The following OXR1 variants were observed in gnomAD, a reference collection of about 807,000 sequenced individuals.
The protein encoded by OXR1 is oxidation resistance 1, also known as oxidation resistance protein 1.
A neutral mutation model predicts 104.6 loss-of-function variants in OXR1; 41 were observed. That is an observed-to-expected ratio of 0.39 (90% CI 0.31 to 0.51). OXR1 has a LOEUF of 0.51. OXR1 is among the 20% of genes least tolerant of loss of function. The probability of loss-of-function intolerance (pLI) is 0.77; values close to 1 mark genes in which losing one functional copy is unlikely to be tolerated. For missense variants in OXR1, 955 were observed against 1,031.9 expected, an observed-to-expected ratio of 0.93 and a Z score of 1.02; for synonymous variants, 348 against 348.4, an observed-to-expected ratio of 1.00 and a Z score of 0.01.
At chr8:106,439,616 T>C (rs1187845837) in intron 2 of OXR1, among the ~76,000 whole-genome samples, 1 of 152,094 alleles carries the variant, frequency 6.6e-6, no homozygotes, top group Non-Finnish European at 1.5e-5. Context: ...TAAAGGCATG[T>C]GCTGGCTTTT....
chr8:106,550,220 AG>A (rs1219223178), intron 3 of OXR1, among the ~76,000 whole-genome samples: 1 of 152,242 alleles, frequency 6.6e-6, no homozygotes, highest in African/African-American at 2.4e-5. Context: ...ATAGTCCCAG[AG>A]TGCTGTCTCT....
intron 2 of OXR1, among the ~76,000 whole-genome samples, chr8:106,396,482 C>T (rs1586601622): frequency 6.6e-6 from 1 of 152,130 alleles, no homozygotes; most frequent in East Asian, 1.9e-4. Context: ...GACTGAAGGA[C>T]ATTCTACAAA....
intron 3 of OXR1, among the ~76,000 whole-genome samples, chr8:106,673,017 A>G (rs772111020): frequency 6.6e-6 from 1 of 152,148 alleles, no homozygotes; most frequent in Non-Finnish European, 1.5e-5. Flanking sequence ...GTAAATTGGA[A>G]CTACAAAGTG....
At chr8:106,307,559 G>T (rs1451130336) in intron 1 of OXR1, among the ~76,000 whole-genome samples, 2 of 151,250 alleles carry the variant, frequency 1.3e-5, no homozygotes, top group African/African-American at 4.9e-5. Flanking sequence ...GGATTTTTTT[G>T]TCCTTTTTTT....
intron 3 of OXR1, among the ~76,000 whole-genome samples, chr8:106,597,337 G>A (rs1819610523): frequency 6.6e-6 from 1 of 152,138 alleles, no homozygotes. Context: ...ATGTCTGCCT[G>A]TGAGAAAGCA....
At chr8:106,497,025 C>T (rs1313432587) in intron 2 of OXR1, among the ~76,000 whole-genome samples, 1 of 152,124 alleles carries the variant, frequency 6.6e-6, no homozygotes, top group East Asian at 1.9e-4. Context: ...GAGGAAAGCA[C>T]AAAAGTGATT....
chr8:106,371,334 C>CA (rs569809652), intron 2 of OXR1, among the ~76,000 whole-genome samples: 299 of 149,218 alleles, frequency 2.0e-3, no homozygotes, highest in South Asian at 6.6e-3. Context: ...TTAGTTTTTT[C>CA]AAAAAAAAAG....
At chr8:106,302,979 T>A (rs1813312584) in intron 1 of OXR1, among the ~76,000 whole-genome samples, 2 of 151,968 alleles carry the variant, frequency 1.3e-5, no homozygotes, top group South Asian at 2.1e-4. Flanking sequence ...GGTCTCAATC[T>A]CCTGACCTCG....
chr8:106,496,013 ATAAATAT>A (rs893768900), intron 2 of OXR1, among the ~76,000 whole-genome samples: 20 of 152,206 alleles, frequency 1.3e-4, no homozygotes, highest in African/African-American at 4.1e-4. Flanking sequence ...ATAATAAAAA[ATAAATAT>A]TAAATTTTCA....
intron 3 of OXR1, among the ~76,000 whole-genome samples, chr8:106,627,293 T>C (rs1462059345): frequency 6.6e-6 from 1 of 152,160 alleles, no homozygotes; most frequent in African/African-American, 2.4e-5. Flanking sequence ...GTCTTAAACT[T>C]CCCTTGCATT....
intron 2 of OXR1, among the ~76,000 whole-genome samples, chr8:106,405,595 T>C (rs1256827863): frequency 6.6e-6 from 1 of 152,092 alleles, no homozygotes; most frequent in Non-Finnish European, 1.5e-5. Context: ...TTCTACTCTT[T>C]TGGAACCCTA....
intron 1 of OXR1, among the ~76,000 whole-genome samples, chr8:106,330,764 A>G (rs1393643343): frequency 6.6e-6 from 1 of 152,200 alleles, no homozygotes; most frequent in African/African-American, 2.4e-5. Context: ...TCAAAGTGTG[A>G]AGAACTACTG....
intron 11 of OXR1, chr8:106,720,705 A>G (rs997152091): frequency 3.1e-6 from 3 of 978,154 alleles, no homozygotes; most frequent in Non-Finnish European, 1.2e-6. Flanking sequence ...GTACTCAGAG[A>G]TACTACAAGG....
At chr8:106,737,122 G>A (rs1231467949) in intron 11 of OXR1, among the ~76,000 whole-genome samples, 2 of 152,140 alleles carry the variant, frequency 1.3e-5, no homozygotes, top group Non-Finnish European at 2.9e-5. Context: ...GAGCTCACCT[G>A]ATTTGGAGGG....
chr8:106,407,983 G>T (rs529944380), intron 2 of OXR1, among the ~76,000 whole-genome samples: 1 of 152,244 alleles, frequency 6.6e-6, no homozygotes, highest in African/African-American at 2.4e-5. Flanking sequence ...CAACCAAGGG[G>T]TGCTTTTGCT....
intron 2 of OXR1, among the ~76,000 whole-genome samples, chr8:106,469,608 G>C (rs1055149685): frequency 6.6e-6 from 1 of 151,820 alleles, no homozygotes; most frequent in Non-Finnish European, 1.5e-5. Flanking sequence ...CAGGTTTTGA[G>C]TAAGCAGCAC....
At chr8:106,501,418 G>A (rs957262145) in intron 2 of OXR1, among the ~76,000 whole-genome samples, 2 of 152,232 alleles carry the variant, frequency 1.3e-5, no homozygotes, top group Admixed American at 6.5e-5. Context: ...AGAGTATGGT[G>A]AGTGGTTTAG....
At chr8:106,425,465 A>C (rs72678575) in intron 2 of OXR1, among the ~76,000 whole-genome samples, 22,237 of 152,138 alleles carry the variant, frequency 0.15, 1,876 homozygotes, top group South Asian at 0.34. Context: ...GTATTTTGTG[A>C]AAGTACAAGA....
At position 106,752,199 on chromosome 8, in the gene OXR1, G is replaced by C. The variant is rs1411851680; in HGVS notation, c.*1258G>C. 6.1e-5 allele frequency: 8 copies of C among 131,224 alleles called. No homozygotes were observed. The highest frequency in any genetic ancestry group is 2.4e-4 in the African/African-American group (8 of 33,506). 8.1% of individuals were successfully genotyped at this position (131,224 alleles called of 1,614,324 possible). On this transcript the variant is annotated 3_prime_UTR_variant, in exon 17 of 17. Transcript: ENST00000517566. ...ATTTCAGCTATTCCAGATAAACATT[G>C]TATATCTTGTAAATTAATGTTTAAA... is the stretch of plus-strand genomic sequence containing the variant.
Sources: gnomAD v4.1 joint callset for allele counts (sites outside exome capture counted in the v4.1 genomes callset) on GRCh38, gnomAD v4.1.1 for gene constraint, MANE v1.5 for transcripts, NCBI Gene and HGNC (gene_info 2026-07-23, HGNC 2026-07-21) for gene names.